Variants in PRKN observed in about 807,000 individuals in gnomAD.
PRKN encodes parkin RBR E3 ubiquitin protein ligase.
PRKN carries 56 observed loss-of-function variants against 59.5 expected under a neutral mutation model. The observed-to-expected ratio is 0.94, with a 90% confidence interval of 0.76 to 1.18. PRKN has a LOEUF of 1.18. Among genes scored for constraint, PRKN ranks in the 50% most tolerant of loss-of-function variants. The pLI is 0.00. For synonymous variants in PRKN, 250 were observed against 222.1 expected (o/e 1.13, Z -1.12); for missense variants, 657 against 596.4 (o/e 1.10, Z -1.06).
intron 2 of PRKN, among the ~76,000 whole-genome samples, chr6:162,381,732 T>A (rs1316414884): frequency 6.6e-6 from 1 of 151,658 alleles, no homozygotes; most frequent in African/African-American, 2.4e-5. Context: ...TTTTTTCTGA[T>A]TTTTTTTTAT....
At chr6:161,871,733 T>C (rs574879073) in intron 6 of PRKN, among the ~76,000 whole-genome samples, 5 of 152,218 alleles carry the variant, frequency 3.3e-5, no homozygotes, top group Non-Finnish European at 7.3e-5. Flanking sequence ...GTGGCTATTT[T>C]TCCCTTCCAT....
intron 2 of PRKN, among the ~76,000 whole-genome samples, chr6:162,401,178 A>G (rs184286436): frequency 1.0e-3 from 154 of 152,190 alleles, no homozygotes; most frequent in African/African-American, 3.6e-3. Context: ...ATATATATAA[A>G]CAACATAACC....
chr6:162,468,412 CTCAG>C (rs1380052797), intron 1 of PRKN, among the ~76,000 whole-genome samples: 1 of 152,204 alleles, frequency 6.6e-6, no homozygotes. Context: ...TTGACATTTA[CTCAG>C]TGTCTGTCCA....
intron 1 of PRKN, among the ~76,000 whole-genome samples, chr6:162,721,293 C>T (rs996234112): frequency 6.6e-6 from 1 of 152,230 alleles, no homozygotes; most frequent in African/African-American, 2.4e-5. Flanking sequence ...TCTATTAACA[C>T]TTTATCTGGA....
intron 5 of PRKN, among the ~76,000 whole-genome samples, chr6:162,028,666 G>A (rs563477539): frequency 6.6e-6 from 1 of 152,340 alleles, no homozygotes; most frequent in South Asian, 2.1e-4. Context: ...TGGAGGGAAG[G>A]ACGCTGTCCA....
chr6:161,530,032 T>A lies in PRKN; in HGVS notation c.1083+18822A>T, dbSNP rs183513403. ...AAAAGCATTTTACTTAAGAAGCATTTAAAAAAAAAACCCTCATTCATTTCA... is the reference window on the plus strand; with the variant it reads ...AAAAGCATTTTACTTAAGAAGCATTAAAAAAAAAAACCCTCATTCATTTCA... On this transcript the variant is annotated intron_variant, in intron 9 of 11. Coordinates refer to ENST00000366898, the MANE Select transcript of PRKN (RefSeq NM_004562.3). The surrounding 1 kb of genome is among the most constrained non-coding windows in gnomAD (Gnocchi z 5.0). Among the ~76,000 whole-genome samples the A allele has an allele frequency of 0.072, 10,856 of 149,930 alleles. 510 individuals carry two copies. The highest frequency in any genetic ancestry group is 0.13 in the African/African-American group (5,426 of 40,964).
intron 7 of PRKN, among the ~76,000 whole-genome samples, chr6:161,708,763 C>A (rs532254709): frequency 6.6e-6 from 1 of 152,126 alleles, no homozygotes; most frequent in African/African-American, 2.4e-5. Context: ...AACGATGCAG[C>A]GACGTGCCCC....
In PRKN at chr6:161,581,932, T is replaced by C. The variant is rs751116338; in HGVS notation, c.872-12516A>G. Among the ~76,000 whole-genome samples, 3 of 152,180 alleles carry C rather than the reference T, an allele frequency of 2.0e-5. No individual in the cohort carries two copies. The highest frequency in any genetic ancestry group is 2.9e-5 in the Non-Finnish European group (2 of 68,010). On this transcript the variant is annotated intron_variant, in intron 7 of 11. Coordinates refer to ENST00000366898, the MANE Select transcript of PRKN (RefSeq NM_004562.3). The surrounding 1 kb of genome is among the most constrained non-coding windows in gnomAD (Gnocchi z 4.5). The stretch of plus-strand genomic sequence containing the variant: ...GAAACAGTCCACTCTTCACAGTGCT[T>C]AGGGCGTCCTTCGCTCATACTTCTT...
rs926713092 is a variant in PRKN at position 161,461,553 on chromosome 6, A to C, written c.1084-74676T>G. Among the ~76,000 whole-genome samples, 1 of 152,020 alleles carries C rather than the reference A, an allele frequency of 6.6e-6. No individual in the cohort carries two copies. Among genetic ancestry groups the C allele is most frequent in the African/African-American group, 2.4e-5 (1 of 41,386 alleles). ...GGACCCTGAGTTAATAGGAAAGAGG[A>C]GGTGGATGCAGGAATCACTGGCCTT... is the stretch of plus-strand genomic sequence containing the variant. On this transcript the variant is annotated intron_variant, in intron 9 of 11. Transcript: ENST00000366898. This position sits in a 1 kb window ranked among gnomAD's most constrained non-coding sequence, Gnocchi z 5.1.
Position 161,678,216 on chromosome 6 carries a change from CTTTTTTTTTTT to C in PRKN, c.871+107545_871+107555del, listed in dbSNP as rs3066554. Among the ~76,000 whole-genome samples, 533 of 64,936 alleles carry C rather than the reference CTTTTTTTTTTT, an allele frequency of 8.2e-3. 5 individuals carry two copies. Among genetic ancestry groups the C allele is most frequent in the African/African-American group, 0.039 (495 of 12,678 alleles). 42.6% of individuals were successfully genotyped at this position (64,936 alleles called of 152,430 possible). On this transcript the variant is annotated intron_variant, in intron 7 of 11. Transcript: ENST00000366898. ...TTATGGTAATAACAATACTGAATCA[CTTTTTTTTTTT>C]TTTTTTTTTTTTTTTTTTTTTGGTG...
At chr6:161,750,045 T>C (rs1458594272) in intron 7 of PRKN, among the ~76,000 whole-genome samples, 1 of 151,576 alleles carries the variant, frequency 6.6e-6, no homozygotes, top group Non-Finnish European at 1.5e-5. Flanking sequence ...GCAATACCAC[T>C]TGACTGGATA....
intron 7 of PRKN, among the ~76,000 whole-genome samples, chr6:161,772,427 T>C (rs1206989105): frequency 2.0e-5 from 3 of 152,158 alleles, no homozygotes; most frequent in African/African-American, 4.8e-5. Context: ...CTGCTGTAAG[T>C]CAGCTTCGTT....
chr6:162,526,790 G>T (rs904434855), intron 1 of PRKN, among the ~76,000 whole-genome samples: 1 of 152,094 alleles, frequency 6.6e-6, no homozygotes, highest in African/African-American at 2.4e-5. Context: ...AAAACACAGA[G>T]GATTAGATTT....
chr6:161,895,519 G>A lies in PRKN; in HGVS notation c.734+77783C>T, dbSNP rs143138844. 6.6e-3 allele frequency among the ~76,000 whole-genome samples: 800 copies of A among 120,966 alleles called. 2 individuals are homozygous for A. The highest frequency in any genetic ancestry group is 0.02 in the African/African-American group (454 of 22,330). The allele number at this position is 120,966 out of a possible 152,430, so 79.4% of individuals were successfully genotyped here. A position where few individuals can be genotyped will look rare whatever the true frequency, so the allele number is the denominator to read the frequency against. ...GTACGCCCACCCCACCTGCCGTTAT[G>A]CCCCCCAGTGAGGCTTCTGAGATTC... On this transcript the variant is annotated intron_variant, in intron 6 of 11. Transcript: ENST00000366898.
chr6:162,218,361 G>A (rs921751752), intron 3 of PRKN, among the ~76,000 whole-genome samples: 1 of 152,064 alleles, frequency 6.6e-6, no homozygotes, highest in Non-Finnish European at 1.5e-5. Flanking sequence ...GTCGTGACTC[G>A]TTCACTAGGT....
At chr6:161,873,186 C>T (rs1204222036) in intron 6 of PRKN, among the ~76,000 whole-genome samples, 1 of 151,908 alleles carries the variant, frequency 6.6e-6, no homozygotes, top group Non-Finnish European at 1.5e-5. Flanking sequence ...TGTGTCTCTT[C>T]CTTCGAAGCA....
At position 161,405,795 on chromosome 6, in the gene PRKN, T is replaced by C. The variant is rs1250321083; in HGVS notation, c.1084-18918A>G. Among the ~76,000 whole-genome samples, 1 of 152,028 alleles carries C rather than the reference T, an allele frequency of 6.6e-6. No individual in the cohort carries two copies. Among genetic ancestry groups the C allele is most frequent in the Non-Finnish European group, 1.5e-5 (1 of 68,018 alleles). On this transcript the variant is annotated intron_variant, in intron 9 of 11. Coordinates refer to ENST00000366898, the MANE Select transcript of PRKN (RefSeq NM_004562.3). This position sits in a 1 kb window ranked among gnomAD's most constrained non-coding sequence, Gnocchi z 5.1. ...CCATTTGAGAAGTGGCAACAGGGGA[T>C]CAGCAGAAGGGTTAACTGCCAAGTC...
At chr6:162,658,479 T>C (rs1778742849) in intron 1 of PRKN, among the ~76,000 whole-genome samples, 1 of 151,920 alleles carries the variant, frequency 6.6e-6, no homozygotes, top group Non-Finnish European at 1.5e-5. Flanking sequence ...CTAGCCAACA[T>C]GGTGAAACCC....
intron 9 of PRKN, among the ~76,000 whole-genome samples, chr6:161,477,493 A>G (rs1415809136): frequency 7.4e-6 from 1 of 135,438 alleles, no homozygotes; most frequent in Non-Finnish European, 1.6e-5. Flanking sequence ...TCCAGCAACA[A>G]GAATGAAACT....
Sources: allele counts gnomAD v4.1 joint callset (sites outside exome capture counted in the v4.1 genomes callset), GRCh38; gene constraint gnomAD v4.1.1; non-coding constraint Gnocchi (gnomAD v3.1); transcripts MANE v1.5; gene names NCBI Gene and HGNC (gene_info 2026-07-23, HGNC 2026-07-21).